GALNT9: variants seen among roughly 807,000 people sequenced by gnomAD.
GALNT9 encodes the protein polypeptide N-acetylgalactosaminyltransferase 9.
A neutral mutation model predicts 63.1 loss-of-function variants in GALNT9; 47 were observed. The observed-to-expected ratio is 0.75, with a 90% CI of 0.59 to 0.95. GALNT9 has a LOEUF of 0.95. Ranked by LOEUF, GALNT9 falls within the 40% of genes least tolerant of loss-of-function variation. The pLI, the probability that GALNT9 is intolerant of heterozygous loss-of-function variation, is 0.00. For missense variants in GALNT9, 829 were observed against 874.8 expected (o/e 0.95, Z 0.66); for synonymous variants, 396 against 365.7 (o/e 1.08, Z -0.94).
intron 2 of GALNT9, among the ~76,000 whole-genome samples, chr12:132,269,585 G>A (rs1018663179): frequency 8.5e-5 from 13 of 152,242 alleles, no homozygotes; most frequent in African/African-American, 2.7e-4. Flanking sequence ...TGGGGCATAG[G>A]AAGCTGGGCC....
At chr12:132,298,209 C>A (rs1037923101) in intron 1 of GALNT9, among the ~76,000 whole-genome samples, 8 of 152,040 alleles carry the variant, frequency 5.3e-5, no homozygotes, top group African/African-American at 9.7e-5. Flanking sequence ...AAACCCACTC[C>A]CAAGTTAACT....
intron 1 of GALNT9, among the ~76,000 whole-genome samples, chr12:132,303,079 C>CTG (rs549488720): frequency 8.0e-5 from 5 of 62,448 alleles, no homozygotes; most frequent in African/African-American, 2.7e-4. Context: ...CTCTGTCTGT[C>CTG]TCTCTCTCGG....
intron 1 of GALNT9, among the ~76,000 whole-genome samples, chr12:132,298,754 C>A (rs1345612711): frequency 6.7e-6 from 1 of 149,956 alleles, no homozygotes; most frequent in Non-Finnish European, 1.5e-5. Flanking sequence ...ACTCCCACCA[C>A]ACCTAACCCA....
At chr12:132,323,852 G>A (rs1346822400) in intron 1 of GALNT9, among the ~76,000 whole-genome samples, 1 of 152,232 alleles carries the variant, frequency 6.6e-6, no homozygotes, top group East Asian at 1.9e-4. Context: ...GTGGAAAGAC[G>A]GTCAACGCTG....
intron 7 of GALNT9, among the ~76,000 whole-genome samples, chr12:132,203,101 A>C (rs1876305495): frequency 6.6e-6 from 1 of 152,086 alleles, no homozygotes; most frequent in Admixed American, 6.5e-5. Context: ...ACCGCCAGAC[A>C]GTTGAGGCTG....
chr12:132,328,799 C>T (rs1282444933), intron 1 of GALNT9, among the ~76,000 whole-genome samples, 167 bp downstream of exon 1: 6 of 152,332 alleles, frequency 3.9e-5, no homozygotes, highest in African/African-American at 1.2e-4. Context: ...GGTTGCTGCC[C>T]GCTGCTGAAG....
chr12:132,213,441 C>T (rs964426871), intron 6 of GALNT9, among the ~76,000 whole-genome samples: 1 of 151,864 alleles, frequency 6.6e-6, no homozygotes, highest in Non-Finnish European at 1.5e-5. Flanking sequence ...GTCAAGCATA[C>T]ACATGCACTG....
intron 2 of GALNT9, among the ~76,000 whole-genome samples, chr12:132,281,745 C>T (rs1880351952): frequency 6.6e-6 from 1 of 152,304 alleles, no homozygotes; most frequent in South Asian, 2.1e-4. Flanking sequence ...GGATGCTGAA[C>T]CCTCAAAAGG....
chr12:132,260,660 C>T (rs1198392955), intron 4 of GALNT9, among the ~76,000 whole-genome samples: 1 of 152,360 alleles, frequency 6.6e-6, no homozygotes, highest in East Asian at 1.9e-4. Flanking sequence ...GGGCACAGAC[C>T]AAGCCTCATA....
intron 7 of GALNT9, among the ~76,000 whole-genome samples, chr12:132,202,945 A>G (rs558275282): frequency 6.6e-6 from 1 of 152,298 alleles, no homozygotes; most frequent in South Asian, 2.1e-4. Flanking sequence ...CCCAACAGGA[A>G]ACAACCAAAA....
Position 132,268,018 on chromosome 12 carries a change from C to T in GALNT9, c.420-5393G>A, listed in dbSNP as rs183670456. ...ATGCACACACACAGGCAGATACACA[C>T]GAACACACATGAACACACATGCACA... On this transcript the variant is annotated intron_variant, in intron 2 of 10. Transcript: ENST00000328957. 5.3e-4 allele frequency among the ~76,000 whole-genome samples: 81 copies of T among 151,414 alleles called. 3 individuals are homozygous for T. Among genetic ancestry groups the T allele is most frequent in the East Asian group, 3.7e-3 (19 of 5,112 alleles).
rs955318514 is a variant in GALNT9 at position 132,315,255 on chromosome 12, C to A, written c.238+13711G>T. ...CTGGAGCCTCAGAATATAATCAGGGCGGCCTCCCCTGTGTCCACTGCAAAG... is the reference window on the plus strand; with the variant it reads ...CTGGAGCCTCAGAATATAATCAGGGAGGCCTCCCCTGTGTCCACTGCAAAG... On this transcript the variant is annotated intron_variant, in intron 1 of 10. Coordinates refer to ENST00000328957, the MANE Select transcript of GALNT9 (RefSeq NM_001122636.2). The surrounding 1 kb of genome is among the most constrained non-coding windows in gnomAD (Gnocchi z 6.1). Among the ~76,000 whole-genome samples, 1 of 132,788 alleles carries A rather than the reference C, an allele frequency of 7.5e-6. No individual in the cohort carries two copies. The highest frequency in any genetic ancestry group is 1.7e-5 in the Non-Finnish European group (1 of 57,288). 87.1% of individuals were successfully genotyped at this position (132,788 alleles called of 152,430 possible). A position where few individuals can be genotyped will look rare whatever the true frequency, so the allele number is the denominator to read the frequency against.
chr12:132,261,188 G>A, intron 3 of GALNT9, 66 bp from the exon 4 acceptor site: 1 of 1,535,466 alleles, frequency 6.5e-7, no homozygotes, highest in South Asian at 1.2e-5. Flanking sequence ...CAAGACCCAA[G>A]GCTGGAAATG....
rs1593455801 is a variant in GALNT9, at chr12:132,197,034, C to A, written c.*73G>T. 6 of 1,585,216 alleles carry A rather than the reference C, an allele frequency of 3.8e-6. No individual in the cohort carries two copies. The highest frequency in any genetic ancestry group is 4.3e-6 in the Non-Finnish European group (5 of 1,163,844). ...TGTCCTGCTGTGTCTGCCGGGCACACCCCGGTCACTCAGCCACACTGGCTC... is the reference window on the plus strand; with the variant it reads ...TGTCCTGCTGTGTCTGCCGGGCACAACCCGGTCACTCAGCCACACTGGCTC... On this transcript the variant is annotated 3_prime_UTR_variant, in exon 11 of 11. Transcript: ENST00000328957.
chr12:132,222,074 TGAG>T (rs1160828512), intron 6 of GALNT9, among the ~76,000 whole-genome samples: 1 of 152,160 alleles, frequency 6.6e-6, no homozygotes, highest in African/African-American at 2.4e-5. Context: ...CGTTCGCGGC[TGAG>T]GATGGAGATT....
chr12:132,306,605 C>T (rs1881624175), intron 1 of GALNT9, among the ~76,000 whole-genome samples: 1 of 152,210 alleles, frequency 6.6e-6, no homozygotes, highest in African/African-American at 2.4e-5. Context: ...CCCGGCATTG[C>T]TGACGGAGTG....
At chr12:132,216,042 C>A (rs1180006703) in intron 6 of GALNT9, among the ~76,000 whole-genome samples, 1 of 151,910 alleles carries the variant, frequency 6.6e-6, no homozygotes, top group Non-Finnish European at 1.5e-5. Context: ...TTGTCCATGC[C>A]CATCTAATGA....
Position 132,261,070 on chromosome 12 carries a change from G to T in GALNT9, c.639C>A (p.Leu213=), listed in dbSNP as rs1044927284. ...DQYVNKRYPG[L]VKIVRNSRRE... ...GCCGGCTGTTGCGGACAATCTTCACGAGGCCTGGGTACCGCTTGTTGACGT... is the reference window on the plus strand; with the variant it reads ...GCCGGCTGTTGCGGACAATCTTCACTAGGCCTGGGTACCGCTTGTTGACGT... The change falls in exon 4 of 11, where the codon CTC becomes CTA. Residue 213 remains leucine (L), a synonymous_variant. Transcript: ENST00000328957. 2 of 1,551,450 alleles carry T rather than the reference G, an allele frequency of 1.3e-6. No individual in the cohort carries two copies. Among genetic ancestry groups the T allele is most frequent in the Admixed American group, 2.0e-5 (1 of 50,946 alleles).
At chr12:132,266,865 G>A (rs1555240244) in intron 2 of GALNT9, among the ~76,000 whole-genome samples, 1 of 152,162 alleles carries the variant, frequency 6.6e-6, no homozygotes, top group African/African-American at 2.4e-5. Flanking sequence ...ATGGGGATAT[G>A]AGGGGGGTCC....
Sources: allele counts gnomAD v4.1 joint callset (sites outside exome capture counted in the v4.1 genomes callset), GRCh38; gene constraint gnomAD v4.1.1; non-coding constraint Gnocchi (gnomAD v3.1); transcripts MANE v1.5; gene names NCBI Gene and HGNC (gene_info 2026-07-23, HGNC 2026-07-21).